Variants in STK31 observed in about 807,000 individuals in gnomAD.
STK31 encodes serine/threonine-protein kinase 31.
A neutral mutation model predicts 129.7 loss-of-function variants in STK31; 89 were observed. The ratio of observed to expected loss-of-function variants is 0.69; its 90% CI spans 0.58 to 0.82. The LOEUF is 0.82. Among genes scored for constraint, STK31 ranks in the 40% least tolerant of loss-of-function variants. The pLI is 0.00. For synonymous variants in STK31, 448 were observed against 395.3 expected (o/e 1.13, Z -1.58); for missense variants, 1,187 against 1,176.4 (o/e 1.01, Z -0.13).
At chr7:23,736,522 T>C (rs1001046790) in intron 7 of STK31, among the ~76,000 whole-genome samples, 1 of 114,610 alleles carries the variant, frequency 8.7e-6, no homozygotes, top group Admixed American at 1.3e-4. Context: ...AGCTAAACTG[T>C]CAAATGGGGG....
intron 23 of STK31, among the ~76,000 whole-genome samples, chr7:23,823,827 G>T (rs535697706): frequency 1.4e-4 from 22 of 152,196 alleles, no homozygotes; most frequent in African/African-American, 4.1e-4. Context: ...GCTAGCCAGT[G>T]GTCCCAGCAC....
At chr7:23,810,746 GAT>G (rs1321110809) in intron 22 of STK31, among the ~76,000 whole-genome samples, 56 of 122,318 alleles carry the variant, frequency 4.6e-4, no homozygotes, top group African/African-American at 1.6e-3. Context: ...ATATAAAATA[GAT>G]ATATATAATA....
intron 13 of STK31, among the ~76,000 whole-genome samples, chr7:23,770,200 A>G (rs1229407708): frequency 2.0e-5 from 3 of 152,144 alleles, no homozygotes; most frequent in Non-Finnish European, 4.4e-5. Context: ...ATTCTTTGTT[A>G]CAGTGTCAAG....
At chr7:23,788,719 A>C (rs1791445952) in intron 21 of STK31, among the ~76,000 whole-genome samples, 1 of 152,158 alleles carries the variant, frequency 6.6e-6, no homozygotes, top group African/African-American at 2.4e-5. Flanking sequence ...AGAAATAAAA[A>C]TTGTATATAT....
rs67303802 is a variant in STK31 at position 23,737,860 on chromosome 7, AGTGTGTGTGTGT to A, written c.1017+805_1017+816del. On this transcript the variant is annotated intron_variant, in intron 8 of 23. Transcript: ENST00000355870. ...CCCCAGGGATACAGTGTGGTTGATA[AGTGTGTGTGTGT>A]GTGTGTGTGTGTGTGTGTGTGTATG... is the stretch of plus-strand genomic sequence containing the variant. Among the ~76,000 whole-genome samples, 929 of 149,260 alleles carry A rather than the reference AGTGTGTGTGTGT, an allele frequency of 6.2e-3. 8 individuals carry two copies. Among genetic ancestry groups the A allele is most frequent in the African/African-American group, 0.017 (673 of 40,346 alleles).
intron 22 of STK31, 41 bp downstream of exon 22, chr7:23,790,987 AT>A: frequency 3.0e-6 from 4 of 1,338,124 alleles, no homozygotes; most frequent in Non-Finnish European, 3.9e-6. Flanking sequence ...ATATATATAT[AT>A]TTCAGTATAT....
At chr7:23,727,443 A>C in intron 5 of STK31, 128 bp downstream of exon 5, 1 of 707,188 alleles carries the variant, frequency 1.4e-6, no homozygotes, top group Non-Finnish European at 2.4e-6. Flanking sequence ...ATTAAAACAC[A>C]GAAGAAATTA....
chr7:23,710,179 TGGCGCAGCGCTGTGCACGCA>T, upstream of STK31: 1 of 1,580,878 alleles, frequency 6.3e-7, no homozygotes, highest in Non-Finnish European at 8.6e-7. Flanking sequence ...CACCGGATGA[TGGCGCAGCGCTGTGCACGCA>T]GGCGCAGTGT....
intron 10 of STK31, among the ~76,000 whole-genome samples, chr7:23,756,001 A>C (rs1371535448): frequency 6.6e-6 from 1 of 152,174 alleles, no homozygotes; most frequent in Admixed American, 6.5e-5. Context: ...ATCCATATGA[A>C]ATTTAAAATA....
chr7:23,729,511 G>GTTT (rs72476098), intron 6 of STK31, among the ~76,000 whole-genome samples: 10 of 121,728 alleles, frequency 8.2e-5, no homozygotes, highest in South Asian at 5.1e-4. Flanking sequence ...GTCTCTTTTT[G>GTTT]TTTTTTTTTT....
Position 23,724,008 on chromosome 7 carries a change from G to A in STK31, c.250-3233G>A, listed in dbSNP as rs1786896262. On this transcript the variant is annotated intron_variant, in intron 4 of 23. Transcript: ENST00000355870. ...CATACCTTGGTTTAGGAAGGGGAGG[G>A]GAACTCAAATGCAGTAATTCTACAG... Among the ~76,000 whole-genome samples the A allele has an allele frequency of 2.0e-5, 3 of 152,166 alleles. No individual in the cohort carries two copies. In the South Asian group the frequency reaches 6.2e-4, roughly 32 times the overall value.
intron 8 of STK31, among the ~76,000 whole-genome samples, chr7:23,737,627 G>A (rs536049454): frequency 1.9e-4 from 29 of 152,182 alleles, no homozygotes; most frequent in Non-Finnish European, 1.2e-4. Context: ...TGTCATGAAT[G>A]CCACATGATT....
At chr7:23,778,418 T>C (rs1011065028) in intron 15 of STK31, among the ~76,000 whole-genome samples, 1 of 152,218 alleles carries the variant, frequency 6.6e-6, no homozygotes, top group Admixed American at 6.5e-5. Context: ...CTGGATAATA[T>C]GCTTAAGTGT....
At chr7:23,785,445 G>A (rs1176994883) in intron 17 of STK31, 33 bp from the exon 18 acceptor site, 1 of 1,600,556 alleles carries the variant, frequency 6.2e-7, no homozygotes. Context: ...GGATTGTTTG[G>A]ATTCTTTAAC....
chr7:23,747,559 G>A (rs1788437510), intron 8 of STK31, among the ~76,000 whole-genome samples: 1 of 151,660 alleles, frequency 6.6e-6, no homozygotes, highest in Non-Finnish European at 1.5e-5. Flanking sequence ...TAGTAGAGAC[G>A]GGGTTTCACT....
intron 15 of STK31, among the ~76,000 whole-genome samples, chr7:23,772,561 T>C (rs771225861): frequency 2.4e-4 from 36 of 152,202 alleles, no homozygotes; most frequent in Non-Finnish European, 4.4e-4. Context: ...TTAAAAGCTC[T>C]TTTAGTTTGG....
At chr7:23,775,089 C>T (rs896218560) in intron 15 of STK31, among the ~76,000 whole-genome samples, 4 of 152,042 alleles carry the variant, frequency 2.6e-5, no homozygotes, top group Non-Finnish European at 5.9e-5. Context: ...AATAGGGAAT[C>T]CTTTCCCCAT....
chr7:23,775,901 C>T (rs10263759), intron 15 of STK31, among the ~76,000 whole-genome samples: 93,471 of 151,966 alleles, frequency 0.62, 28,956 homozygotes, highest in East Asian at 0.72. Flanking sequence ...CATGCTTGTC[C>T]TGGTGACAGT....
intron 10 of STK31, among the ~76,000 whole-genome samples, chr7:23,758,960 A>G (rs896964820): frequency 9.2e-5 from 14 of 152,210 alleles, no homozygotes; most frequent in Admixed American, 7.8e-4. Flanking sequence ...TACCAAACAA[A>G]TAGAAAGCAA....
Sources: gnomAD v4.1 joint callset for allele counts (sites outside exome capture counted in the v4.1 genomes callset) on GRCh38, gnomAD v4.1.1 for gene constraint, MANE v1.5 for transcripts, NCBI Gene and HGNC (gene_info 2026-07-23, HGNC 2026-07-21) for gene names.